PARD3B: variants seen among roughly 807,000 people sequenced by gnomAD.
PARD3B encodes par-3 family cell polarity regulator beta, also known as partitioning defective 3 homolog B.
A neutral mutation model predicts 130.2 loss-of-function variants in PARD3B; 103 were observed. The observed-to-expected ratio is 0.79, with a 90% CI of 0.67 to 0.93. The LOEUF is 0.93. PARD3B is among the 40% of genes least tolerant of loss of function. PARD3B has a pLI of 0.00. For missense variants in PARD3B, 1,609 were observed against 1,499.2 expected, an observed-to-expected ratio of 1.07 and a Z score of -1.21; for synonymous variants, 583 against 553.2, an observed-to-expected ratio of 1.05 and a Z score of -0.76.
At position 205,550,411 on chromosome 2, in the gene PARD3B, A is replaced by G. The variant is rs1264601212; in HGVS notation, c.3181-2913A>G. Among the ~76,000 whole-genome samples the G allele has an allele frequency of 6.6e-6, 1 of 152,200 alleles. No individual in the cohort carries two copies. The highest frequency in any genetic ancestry group is 2.4e-5 in the African/African-American group (1 of 41,456). ...TTGAATACAGTGAATGACTGCATTAATGATGTTGCAGTATCAATGGAGAAA... is the reference window on the plus strand; with the variant it reads ...TTGAATACAGTGAATGACTGCATTAGTGATGTTGCAGTATCAATGGAGAAA... On this transcript the variant is annotated intron_variant, in intron 21 of 22. Coordinates refer to ENST00000406610, the MANE Select transcript of PARD3B (RefSeq NM_001302769.2). This position sits in a 1 kb window ranked among gnomAD's most constrained non-coding sequence, Gnocchi z 4.5.
chr2:205,268,613 G>A lies in PARD3B; in HGVS notation c.2185+22791G>A, dbSNP rs368554332. 6.6e-5 allele frequency among the ~76,000 whole-genome samples: 10 copies of A among 152,242 alleles called. No individual in the cohort carries two copies. The East Asian group carries it at 1.2e-3, about 18-fold the overall frequency. On this transcript the variant is annotated intron_variant, in intron 16 of 22. Transcript: ENST00000406610. This position sits in a 1 kb window ranked among gnomAD's most constrained non-coding sequence, Gnocchi z 4.1. ...CACTAGTATTAGGAGGCGGTAATTT[G>A]CAGATAAAAAGTAAAAATACAGGTC...
At chr2:204,758,213 G>A (rs984361806) in intron 2 of PARD3B, among the ~76,000 whole-genome samples, 1 of 152,082 alleles carries the variant, frequency 6.6e-6, no homozygotes, top group African/African-American at 2.4e-5. Flanking sequence ...CCCAAGATGG[G>A]TGTTCCAAGA....
chr2:205,145,184 T>C (rs1401516680), intron 10 of PARD3B, among the ~76,000 whole-genome samples: 3 of 152,170 alleles, frequency 2.0e-5, no homozygotes, highest in Non-Finnish European at 4.4e-5. Flanking sequence ...GAGGTGGCTG[T>C]GTAGAACACT....
intron 18 of PARD3B, among the ~76,000 whole-genome samples, chr2:205,323,880 C>T (rs1460336576): frequency 2.0e-5 from 3 of 152,110 alleles, no homozygotes; most frequent in Non-Finnish European, 2.9e-5. Flanking sequence ...AGCTAGATCC[C>T]ATCAAGTGTA....
intron 2 of PARD3B, among the ~76,000 whole-genome samples, chr2:204,961,476 C>CTT (rs1410944097): frequency 2.0e-5 from 3 of 152,048 alleles, no homozygotes; most frequent in Non-Finnish European, 4.4e-5. Flanking sequence ...ATGGAAAGAG[C>CTT]TTTGAAAGGT....
intron 19 of PARD3B, among the ~76,000 whole-genome samples, chr2:205,409,164 A>G (rs527514262): frequency 6.6e-6 from 1 of 152,138 alleles, no homozygotes; most frequent in Non-Finnish European, 1.5e-5. Context: ...TCTGTTTTTC[A>G]TAGTACTAAC....
intron 18 of PARD3B, among the ~76,000 whole-genome samples, chr2:205,332,444 G>A (rs946739103): frequency 6.6e-6 from 1 of 152,158 alleles, no homozygotes; most frequent in Non-Finnish European, 1.5e-5. Context: ...AAAGAAAGGA[G>A]GTGGAAGAGG....
rs1559359658 is a variant in PARD3B at position 205,018,749 on chromosome 2, A to AAAAAAAAAAAAAAAAG, written c.395-28831_395-28830insAAAAAAAAAAAAAAGA. Among the ~76,000 whole-genome samples the AAAAAAAAAAAAAAAAG allele has an allele frequency of 5.0e-5, 6 of 120,086 alleles. 1 individual carries two copies. Among genetic ancestry groups the AAAAAAAAAAAAAAAAG allele is most frequent in the Admixed American group, 8.4e-5 (1 of 11,856 alleles). 78.8% of individuals were successfully genotyped at this position (120,086 alleles called of 152,430 possible). A position where few individuals can be genotyped will look rare whatever the true frequency, so the allele number is the denominator to read the frequency against. The stretch of plus-strand genomic sequence containing the variant: ...AAAAAAAAAAAAAAAAAAAAAAAAA[A>AAAAAAAAAAAAAAAAG]AGCACGCTGATTAATAAAATATGCT... On this transcript the variant is annotated intron_variant, in intron 3 of 22. Transcript: ENST00000406610.
Position 205,021,883 on chromosome 2 carries a change from A to C in PARD3B, c.395-25698A>C, listed in dbSNP as rs1446158598. Among the ~76,000 whole-genome samples the C allele has an allele frequency of 2.6e-5, 4 of 152,078 alleles. No individual in the cohort carries two copies. The highest frequency in any genetic ancestry group is 5.9e-5 in the Non-Finnish European group (4 of 68,024). On this transcript the variant is annotated intron_variant, in intron 3 of 22. Coordinates refer to ENST00000406610, the MANE Select transcript of PARD3B (RefSeq NM_001302769.2). This position sits in a 1 kb window ranked among gnomAD's most constrained non-coding sequence, Gnocchi z 4.5. ...CCCCCTCCATTGTAAGGGTACTAAA[A>C]TCTTCATATGTGGTCAAACACCTTT...
At chr2:205,026,124 CA>C (rs1460419750) in intron 3 of PARD3B, among the ~76,000 whole-genome samples, 1 of 152,062 alleles carries the variant, frequency 6.6e-6, no homozygotes, top group East Asian at 1.9e-4. Context: ...CTGATGGTAA[CA>C]ATGCAATGAA....
At chr2:204,742,996 G>T (rs566083865) in intron 2 of PARD3B, among the ~76,000 whole-genome samples, 39 of 152,222 alleles carry the variant, frequency 2.6e-4, no homozygotes, top group Admixed American at 2.4e-3. Context: ...TCTTTGTTTT[G>T]TAATAGGTTG....
At chr2:205,387,919 T>G (rs980606640) in intron 18 of PARD3B, among the ~76,000 whole-genome samples, 1 of 152,180 alleles carries the variant, frequency 6.6e-6, no homozygotes, top group African/African-American at 2.4e-5. Flanking sequence ...TATGGCAGAT[T>G]ATGAGACACC....
At chr2:204,568,955 G>GAAAAAAAAAAAA (rs750550877) in intron 1 of PARD3B, among the ~76,000 whole-genome samples, 6 of 124,466 alleles carry the variant, frequency 4.8e-5, no homozygotes, top group African/African-American at 1.7e-4. Flanking sequence ...ACTGTCTCAG[G>GAAAAAAAAAAAA]AAAAAAAAAA....
chr2:205,342,187 T>A (rs2043567327), intron 18 of PARD3B, among the ~76,000 whole-genome samples: 1 of 152,298 alleles, frequency 6.6e-6, no homozygotes, highest in African/African-American at 2.4e-5. Flanking sequence ...CAATTAATAT[T>A]TACTGATTGT....
chr2:205,331,846 G>A (rs1301337828), intron 18 of PARD3B, among the ~76,000 whole-genome samples: 1 of 149,090 alleles, frequency 6.7e-6, no homozygotes, highest in African/African-American at 2.5e-5. Context: ...AGTGGCTCAT[G>A]CCTGTAATCC....
chr2:204,716,761 C>T (rs774606133), intron 2 of PARD3B, among the ~76,000 whole-genome samples: 50 of 151,562 alleles, frequency 3.3e-4, no homozygotes, highest in Middle Eastern at 6.8e-3. Flanking sequence ...TAGCTGGGAC[C>T]ACAGGCGCCC....
chr2:204,628,201 C>T (rs1309495064), intron 1 of PARD3B, among the ~76,000 whole-genome samples: 1 of 152,000 alleles, frequency 6.6e-6, no homozygotes, highest in African/African-American at 2.4e-5. Context: ...AGGAGTTTCT[C>T]CCTATCCCGC....
intron 4 of PARD3B, among the ~76,000 whole-genome samples, chr2:205,069,235 G>T (rs1359341231): frequency 1.3e-5 from 2 of 151,746 alleles, no homozygotes; most frequent in African/African-American, 2.4e-5. Flanking sequence ...ATCCTATTTT[G>T]CCTGATACAT....
chr2:204,711,322 G>C (rs956105735), intron 2 of PARD3B, among the ~76,000 whole-genome samples: 4 of 152,086 alleles, frequency 2.6e-5, no homozygotes, highest in Non-Finnish European at 5.9e-5. Flanking sequence ...CTTTAAACAA[G>C]ACTCTAGATT....
Sources: gnomAD v4.1 joint callset for allele counts (sites outside exome capture counted in the v4.1 genomes callset) on GRCh38, gnomAD v4.1.1 for gene constraint, Gnocchi (gnomAD v3.1) non-coding constraint, MANE v1.5 for transcripts, NCBI Gene and HGNC (gene_info 2026-07-23, HGNC 2026-07-21) for gene names.